The following RAD18 variants were observed in gnomAD, a reference collection of about 807,000 sequenced individuals.
RAD18 encodes the protein E3 ubiquitin-protein ligase RAD18.
RAD18 carries 47 observed loss-of-function variants against 60.4 expected under a neutral mutation model. The observed-to-expected ratio is 0.78, with a 90% confidence interval of 0.62 to 0.99. RAD18 has a LOEUF of 0.99. RAD18 is among the 50% of genes least tolerant of loss of function. RAD18 has a pLI of 0.00. For missense variants in RAD18, 640 were observed against 593.3 expected, an observed-to-expected ratio of 1.08 and a Z score of -0.82; for synonymous variants, 225 against 195.5, an observed-to-expected ratio of 1.15 and a Z score of -1.26.
intron 12 of RAD18, among the ~76,000 whole-genome samples, chr3:8,884,416 T>C (rs537266147): frequency 1.3e-5 from 2 of 152,340 alleles, no homozygotes; most frequent in East Asian, 3.9e-4. Flanking sequence ...TTTTTACTTT[T>C]TTTTCATGTT....
intron 1 of RAD18, among the ~76,000 whole-genome samples, chr3:8,959,331 C>T (rs1335661426): frequency 6.6e-6 from 1 of 152,234 alleles, no homozygotes; most frequent in Admixed American, 6.5e-5. Flanking sequence ...AGCTCTTACT[C>T]CAAGCCTCCT....
In RAD18 at chr3:8,939,536, T is replaced by C. The variant is rs750302600; in HGVS notation, c.704+18A>G. 27 of 1,592,722 alleles carry C rather than the reference T, an allele frequency of 1.7e-5. No homozygotes were observed. The highest frequency in any genetic ancestry group is 2.3e-5 in the Non-Finnish European group (27 of 1,162,092). ...CACCCAGCTAAAGTAGCTCAATGGT[T>C]CTGCTCAACTTCCTTACCTTCTGAG... On this transcript the variant is annotated intron_variant, in intron 6 of 12. Transcript: ENST00000264926.
chr3:8,959,412 T>G (rs1489198072), intron 1 of RAD18, among the ~76,000 whole-genome samples: 1 of 152,174 alleles, frequency 6.6e-6, no homozygotes, highest in Non-Finnish European at 1.5e-5. Flanking sequence ...CCACACAAGT[T>G]AAGAATCAAA....
At chr3:8,918,697 C>A (rs1043986075) in intron 7 of RAD18, among the ~76,000 whole-genome samples, 1 of 152,176 alleles carries the variant, frequency 6.6e-6, no homozygotes, top group Non-Finnish European at 1.5e-5. Flanking sequence ...AAAATCTACT[C>A]TTTATAAGCA....
At chr3:8,944,239 CAAAG>C (rs1461128687) in intron 4 of RAD18, among the ~76,000 whole-genome samples, 2 of 152,028 alleles carry the variant, frequency 1.3e-5, no homozygotes, top group South Asian at 2.1e-4. Context: ...TCAAAACTGA[CAAAG>C]AAACAGAAAA....
intron 6 of RAD18, among the ~76,000 whole-genome samples, chr3:8,937,988 A>G (rs1368824578): frequency 6.6e-6 from 1 of 152,184 alleles, no homozygotes; most frequent in East Asian, 1.9e-4. Context: ...ATGGATCTAG[A>G]AAAAGGGGAG....
At chr3:8,952,530 A>C (rs1333849319) in intron 2 of RAD18, among the ~76,000 whole-genome samples, 1 of 152,204 alleles carries the variant, frequency 6.6e-6, no homozygotes, top group Non-Finnish European at 1.5e-5. Flanking sequence ...TTAATATGTA[A>C]TATTGATTCA....
rs1939412368 is a variant in RAD18, at chr3:8,879,025, A to G, written c.*2332T>C. ...TGGATATGAACATACATTTCTTTCA[A>G]TGTATGAATATTAAACATATGCTAA... On this transcript the variant is annotated 3_prime_UTR_variant, in exon 13 of 13. Coordinates refer to ENST00000264926, the MANE Select transcript of RAD18 (RefSeq NM_020165.4). The G allele has an allele frequency of 6.6e-6, 1 of 152,200 alleles. No homozygotes were observed. The highest frequency in any genetic ancestry group is 2.1e-4 in the South Asian group (1 of 4,824). The allele number at this position is 152,200 out of a possible 1,614,324, so 9.4% of individuals were successfully genotyped here.
chr3:8,917,646 G>A (rs1042981590), intron 7 of RAD18, among the ~76,000 whole-genome samples: 1 of 151,600 alleles, frequency 6.6e-6, no homozygotes, highest in Non-Finnish European at 1.5e-5. Context: ...AAGAGGTAAA[G>A]TAATAAGACA....
chr3:8,903,906 G>T (rs1939958145), intron 9 of RAD18, among the ~76,000 whole-genome samples: 1 of 152,130 alleles, frequency 6.6e-6, no homozygotes, highest in Admixed American at 6.5e-5. Context: ...GGAATTTACT[G>T]GGTGTAGGGA....
At position 8,902,391 on chromosome 3, in the gene RAD18, G is replaced by A. The variant is rs1410233684; in HGVS notation, c.1157C>T (p.Ser386Phe). 5.6e-6 allele frequency: 9 copies of A among 1,599,338 alleles called. No individual in the cohort carries two copies. Among genetic ancestry groups the A allele is most frequent in the African/African-American group, 1.4e-5 (1 of 73,966 alleles). Reference sequence around the variant, plus strand: ...TTATAGTCTCTTACCCATGCATACAGAAGATAGCTTTTCTGTAGATTCATC... The same window carrying A: ...TTATAGTCTCTTACCCATGCATACAAAAGATAGCTTTTCTGTAGATTCATC... The part of the protein sequence containing the change: ...KEDESTEKLS[S>F]VCMGQEDNMT... Residue 386 changes from serine (S) to phenylalanine (F), a missense_variant, in exon 10 of 13, where the codon TCT (serine) becomes TTT (phenylalanine). Transcript: ENST00000264926.
chr3:8,903,472 C>T (rs1440691308), intron 9 of RAD18, among the ~76,000 whole-genome samples: 1 of 152,122 alleles, frequency 6.6e-6, no homozygotes, highest in East Asian at 1.9e-4. Context: ...CAGTAGAGCC[C>T]CTTTAAGATT....
At chr3:8,895,244 G>A (rs548242422) in intron 11 of RAD18, among the ~76,000 whole-genome samples, 1 of 152,250 alleles carries the variant, frequency 6.6e-6, no homozygotes, top group East Asian at 1.9e-4. Flanking sequence ...ATGAGGTTTA[G>A]TAGAAAAAGA....
intron 7 of RAD18, among the ~76,000 whole-genome samples, chr3:8,919,662 A>G (rs1194472079): frequency 1.3e-5 from 2 of 152,284 alleles, no homozygotes; most frequent in African/African-American, 4.8e-5. Context: ...CATCTGCTCA[A>G]ATAGCCTAGA....
chr3:8,923,470 A>G, intron 7 of RAD18, among the ~76,000 whole-genome samples: 1 of 152,200 alleles, frequency 6.6e-6, no homozygotes, highest in Non-Finnish European at 1.5e-5. Flanking sequence ...GGAGAATGGA[A>G]CCAAGTTGGA....
Position 8,963,471 on chromosome 3 carries a change from A to T in RAD18, c.-86T>A, listed in dbSNP as rs1941123885. On this transcript the variant is annotated 5_prime_UTR_variant, in exon 1 of 13. Coordinates refer to ENST00000264926, the MANE Select transcript of RAD18 (RefSeq NM_020165.4). Reference sequence around the variant, plus strand: ...TCGAAATTCCCCGCGCTACCGCATTACGTCAGCAGCCCGCGACGCGCCAGA... The same window carrying T: ...TCGAAATTCCCCGCGCTACCGCATTTCGTCAGCAGCCCGCGACGCGCCAGA... 1.5e-6 allele frequency: 2 copies of T among 1,314,028 alleles called. No individual in the cohort carries two copies. The highest frequency in any genetic ancestry group is 1.5e-5 in the African/African-American group (1 of 66,732). 81.4% of individuals were successfully genotyped at this position (1,314,028 alleles called of 1,614,324 possible).
At chr3:8,906,497 G>A (rs527798300) in intron 9 of RAD18, among the ~76,000 whole-genome samples, 1 of 152,010 alleles carries the variant, frequency 6.6e-6, no homozygotes, top group South Asian at 2.1e-4. Context: ...CTCTAATAAG[G>A]CTGGTCTTGT....
intron 9 of RAD18, among the ~76,000 whole-genome samples, chr3:8,911,625 A>G (rs1940107106): frequency 6.6e-6 from 1 of 152,038 alleles, no homozygotes; most frequent in Non-Finnish European, 1.5e-5. Flanking sequence ...CCCTCCCACA[A>G]TACATCACTA....
chr3:8,923,882 C>T (rs111545987), intron 7 of RAD18, among the ~76,000 whole-genome samples: 3,566 of 152,266 alleles, frequency 0.023, 140 homozygotes, highest in African/African-American at 0.08. Context: ...TCTGTTACCA[C>T]CAGGCCTGCC....
Sources: allele counts gnomAD v4.1 joint callset (sites outside exome capture counted in the v4.1 genomes callset), GRCh38; gene constraint gnomAD v4.1.1; transcripts MANE v1.5; gene names NCBI Gene and HGNC (gene_info 2026-07-23, HGNC 2026-07-21).